The following PTPN23 variants were observed in gnomAD, a reference collection of about 807,000 sequenced individuals.
PTPN23 encodes protein tyrosine phosphatase non-receptor type 23.
A neutral mutation model predicts 156.3 loss-of-function variants in PTPN23; 72 were observed. The ratio of observed to expected loss-of-function variants is 0.46; its 90% CI spans 0.38 to 0.56. The LOEUF (loss-of-function observed/expected upper bound fraction) is 0.56, where lower values mean the gene tolerates loss of function less well. Among genes scored for constraint, PTPN23 ranks in the 20% least tolerant of loss-of-function variants. PTPN23 has a pLI of 0.00. For missense variants in PTPN23, 1,974 were observed against 2,171.5 expected, an observed-to-expected ratio of 0.91 and a Z score of 1.81; for synonymous variants, 957 against 899.6, an observed-to-expected ratio of 1.06 and a Z score of -1.14.
At chr3:47,384,314 A>G (rs1056388150) in intron 1 of PTPN23, among the ~76,000 whole-genome samples, 39 of 152,098 alleles carry the variant, frequency 2.6e-4, no homozygotes, top group Middle Eastern at 3.4e-3. Flanking sequence ...TAAAAATACA[A>G]AAAATTAGCC....
Position 47,412,861 on chromosome 3 carries a change from C to T in PTPN23, c.4587C>T (p.Leu1529=), listed in dbSNP as rs778915661. The change falls in exon 25 of 25, where the codon CTC becomes CTT. Residue 1529 remains leucine, a synonymous_variant. Transcript: ENST00000265562. ...SLPGPAEPPG[L]PPASLPESTP... ...CAGGCCCTGCAGAGCCCCCAGGCCT[C>T]CCGCCAGCCAGCCTCCCAGAGTCTA... is the stretch of plus-strand genomic sequence containing the variant. 4 of 1,613,444 alleles carry T rather than the reference C, an allele frequency of 2.5e-6. No homozygotes were observed. Among genetic ancestry groups the T allele is most frequent in the East Asian group, 2.2e-5 (1 of 44,884 alleles).
chr3:47,413,099 C>T lies in PTPN23; in HGVS notation c.4825C>T (p.His1609Tyr). ...RMSKHNFLQA[H>Y]NGQGLRATRP... ...GAGCAAGCATAACTTTCTGCAGGCC[C>T]ATAACGGGCAAGGGCTGCGGGCCAC... The change falls in exon 25 of 25, where the codon CAT becomes TAT. Residue 1609 changes from histidine to tyrosine, a missense_variant. Transcript: ENST00000265562. 3.7e-6 allele frequency: 6 copies of T among 1,612,936 alleles called. No individual in the cohort carries two copies. Among genetic ancestry groups the T allele is most frequent in the Non-Finnish European group, 5.1e-6 (6 of 1,180,032 alleles).
At chr3:47,408,288 A>G (rs1291954540) in intron 14 of PTPN23, 57 bp from the exon 15 acceptor site, 17 of 1,584,304 alleles carry the variant, frequency 1.1e-5, no homozygotes, top group Admixed American at 5.2e-5. Flanking sequence ...GGCTCCTTTG[A>G]CATGGTCAGA....
chr3:47,381,951 C>A (rs186536155), intron 1 of PTPN23, among the ~76,000 whole-genome samples: 84 of 152,178 alleles, frequency 5.5e-4, no homozygotes, highest in Non-Finnish European at 9.7e-4. Flanking sequence ...CCCTCCGAGA[C>A]ATCCGCTGTA....
rs1159861823 is a variant in PTPN23, at chr3:47,410,394, C to T, written c.2596C>T (p.Pro866Ser). 1.2e-6 allele frequency: 2 copies of T among 1,611,814 alleles called. No individual in the cohort carries two copies. The highest frequency in any genetic ancestry group is 2.2e-5 in the East Asian group (1 of 44,826). The change falls in exon 20 of 25, where the codon CCT (proline) becomes TCT (serine). Residue 866 changes from proline (P) to serine (S), a missense_variant. Coordinates refer to ENST00000265562, the MANE Select transcript of PTPN23 (RefSeq NM_015466.4). ...PVAGLPSAPP[P>S]QFSGPELAMA... ...TGCAGGTCTCCCCTCGGCCCCACCT[C>T]CTCAATTCTCAGGCCCCGAGTTGGC...
At chr3:47,396,500 AGGAGGTGGAGGTTGCAG>A (rs1704882358) in intron 2 of PTPN23, among the ~76,000 whole-genome samples, 2 of 152,276 alleles carry the variant, frequency 1.3e-5, no homozygotes. Context: ...GCTTCAACCC[AGGAGGTGGAGGTTGCAG>A]TGAGCTGAGA....
Position 47,408,462 on chromosome 3 carries a change from T to C in PTPN23, c.1302T>C (p.Thr434=). 1 of 1,614,022 alleles carries C rather than the reference T, an allele frequency of 6.2e-7. No homozygotes were observed. The change falls in exon 15 of 25, where the codon ACT becomes ACC. Residue 434 remains threonine, a synonymous_variant. Coordinates refer to ENST00000265562, the MANE Select transcript of PTPN23 (RefSeq NM_015466.4). ...CGGCTCTCAGCGTCCGGCCCGACAC[T>C]GTCAGGAACCTTGTACAGTCCATGC... The part of the protein sequence containing the change: ...KCAALSVRPD[T]VRNLVQSMQV...
At chr3:47,387,403 C>CAAAAAAA (rs34969941) in intron 1 of PTPN23, among the ~76,000 whole-genome samples, 1 of 107,888 alleles carries the variant, frequency 9.3e-6, no homozygotes, top group Non-Finnish European at 1.8e-5. Context: ...CCTGTCTCTA[C>CAAAAAAA]AAAAAAAAAA....
chr3:47,409,381 C>G, intron 17 of PTPN23, 36 bp from the exon 18 acceptor site: 1 of 1,613,750 alleles, frequency 6.2e-7, no homozygotes, highest in Non-Finnish European at 8.5e-7. Context: ...AGTCGAGGCC[C>G]TGAGTGTCCG....
rs762276090 is a variant in PTPN23 at position 47,407,688 on chromosome 3, C to A, written c.1004-9C>A. On this transcript the variant is annotated splice_polypyrimidine_tract_variant and intron_variant, in intron 12 of 24. Coordinates refer to ENST00000265562, the MANE Select transcript of PTPN23 (RefSeq NM_015466.4). The surrounding 1 kb of genome is among the most constrained non-coding windows in gnomAD (Gnocchi z 4.0). Reference sequence around the variant, plus strand: ...GTGGGCCTGATCTCCACAATTCCCACCCCCCCAGGAGCCCCCTTGGTGAAG... The same window carrying A: ...GTGGGCCTGATCTCCACAATTCCCAACCCCCCAGGAGCCCCCTTGGTGAAG... 2.5e-6 allele frequency: 4 copies of A among 1,601,344 alleles called. No individual in the cohort carries two copies. Among genetic ancestry groups the A allele is most frequent in the South Asian group, 1.1e-5 (1 of 90,708 alleles).
At position 47,412,923 on chromosome 3, in the gene PTPN23, C is replaced by CCCCCCTA; in HGVS notation, c.4652_4653insCCTACCC (p.Glu1554ThrfsTer3). 6.4e-7 allele frequency: 1 copy of CCCCCCTA among 1,567,578 alleles called. No individual in the cohort carries two copies. Among genetic ancestry groups the CCCCCCTA allele is most frequent in the Non-Finnish European group, 8.7e-7 (1 of 1,148,046 alleles). On this transcript the variant is annotated frameshift_variant, in exon 25 of 25. Coordinates refer to ENST00000265562, the MANE Select transcript of PTPN23 (RefSeq NM_015466.4). LOFTEE classifies it high-confidence loss of function. The stretch of plus-strand genomic sequence containing the variant: ...TCTTCCTCCCCGCCCCCCCTTTCCT[C>CCCCCCTA]CCCACTACCTGAGGCTCCCCAGCCT...
At chr3:47,404,824 G>A (rs1705084567) in intron 3 of PTPN23, 45 bp downstream of exon 3, 8 of 1,600,360 alleles carry the variant, frequency 5.0e-6, no homozygotes, top group African/African-American at 1.3e-5. Context: ...GGGAGTCTGG[G>A]TGGTGGGGGT....
At chr3:47,400,009 G>A (rs753952867) in intron 2 of PTPN23, among the ~76,000 whole-genome samples, 2 of 151,970 alleles carry the variant, frequency 1.3e-5, no homozygotes, top group Non-Finnish European at 2.9e-5. Context: ...ATGGAGTCTC[G>A]TATATTCCCC....
intron 1 of PTPN23, among the ~76,000 whole-genome samples, chr3:47,387,534 C>T (rs1394689385): frequency 6.7e-6 from 1 of 149,282 alleles, no homozygotes; most frequent in East Asian, 2.0e-4. Context: ...GAACCAAGAT[C>T]TCGCCACTCC....
rs1576233117 is a variant in PTPN23 at position 47,411,837 on chromosome 3, G to T, written c.3943G>T (p.Ala1315Ser). 6.2e-7 allele frequency: 1 copy of T among 1,613,114 alleles called. No individual in the cohort carries two copies. The highest frequency in any genetic ancestry group is 2.2e-5 in the East Asian group (1 of 44,836). The change falls in exon 21 of 25, where the codon GCC becomes TCC. Residue 1315 changes from alanine (A) to serine (S), a missense_variant. Transcript: ENST00000265562. The surrounding 1 kb of genome is among the most constrained non-coding windows in gnomAD (Gnocchi z 6.3). The part of the protein sequence containing the change: ...TERGQPMVHG[A>S]LSLALSSVRS... ...GAGGGGCCAGCCCATGGTGCACGGT[G>T]CCCTGAGCCTGGCATTGAGCAGCGT...
At position 47,412,543 on chromosome 3, in the gene PTPN23, G is replaced by A. The variant is rs572448448; in HGVS notation, c.4347G>A (p.Val1449=). The A allele has an allele frequency of 1.7e-5, 28 of 1,613,608 alleles. No individual in the cohort carries two copies. The South Asian group carries it at 2.7e-4, about 16-fold the overall frequency. ...ACCTCAGGTTCTGCTATGAGGCAGT[G>A]GTGAGACACGTGGAGCAGGTCCTGC... ...KLHLRFCYEA[V]VRHVEQVLQR... The change falls in exon 24 of 25, where the codon GTG becomes GTA. Residue 1449 remains valine, a synonymous_variant. Coordinates refer to ENST00000265562, the MANE Select transcript of PTPN23 (RefSeq NM_015466.4).
chr3:47,398,559 T>C (rs1349456703), intron 2 of PTPN23, among the ~76,000 whole-genome samples: 1 of 151,992 alleles, frequency 6.6e-6, no homozygotes, highest in Admixed American at 6.6e-5. Context: ...AAATGTAAAC[T>C]TAAAGTTTTT....
chr3:47,412,415 G>A lies in PTPN23; in HGVS notation c.4311G>A (p.Gln1437=). Residue 1437 remains glutamine, a synonymous_variant, in exon 23 of 25, where the codon CAG becomes CAA. Transcript: ENST00000265562. The part of the protein sequence containing the change: ...RMRQQRKHML[Q]EKLHLRFCYE... ...GGCAGCAGAGAAAGCACATGCTGCA[G>A]GAGAAGGTGAGGATCTGGGCAGATG... The A allele has an allele frequency of 6.2e-7, 1 of 1,612,948 alleles. No homozygotes were observed. The highest frequency in any genetic ancestry group is 8.5e-7 in the Non-Finnish European group (1 of 1,179,916).
At chr3:47,402,341 G>A (rs1398005868) in intron 2 of PTPN23, among the ~76,000 whole-genome samples, 1 of 151,998 alleles carries the variant, frequency 6.6e-6, no homozygotes, top group Non-Finnish European at 1.5e-5. Context: ...GTGCAGTGGT[G>A]CAACCTCAGC....
Sources: allele counts gnomAD v4.1 joint callset (sites outside exome capture counted in the v4.1 genomes callset), GRCh38; gene constraint gnomAD v4.1.1; non-coding constraint Gnocchi (gnomAD v3.1); transcripts MANE v1.5; gene names NCBI Gene and HGNC (gene_info 2026-07-23, HGNC 2026-07-21).